The following RMND5A variants were observed in gnomAD, a reference collection of about 807,000 sequenced individuals.
The protein encoded by RMND5A is E3 ubiquitin-protein transferase RMND5A.
A neutral mutation model predicts 49.7 loss-of-function variants in RMND5A; 17 were observed. The observed-to-expected ratio is 0.34, with a 90% CI of 0.23 to 0.51. The LOEUF (loss-of-function observed/expected upper bound fraction) is 0.51. Ranked by LOEUF, RMND5A falls within the 20% of genes least tolerant of loss-of-function variation. The probability of loss-of-function intolerance (pLI) is 0.96; values close to 1 mark genes in which losing one functional copy is unlikely to be tolerated. For missense variants in RMND5A, 255 were observed against 471.3 expected (o/e 0.54, Z 4.25); for synonymous variants, 156 against 167.7 (o/e 0.93, Z 0.54).
In RMND5A at chr2:86,747,632, T is replaced by C. The variant is rs146191578; in HGVS notation, c.286-4264T>C. ...GTAGATGGAGAAGTTTCAAAATACATGTTAATACTATTAGGGAATTGGTAC... is the reference window on the plus strand; with the variant it reads ...GTAGATGGAGAAGTTTCAAAATACACGTTAATACTATTAGGGAATTGGTAC... On this transcript the variant is annotated intron_variant, in intron 2 of 8. Coordinates refer to ENST00000283632, the MANE Select transcript of RMND5A (RefSeq NM_022780.4). Among the ~76,000 whole-genome samples, 19 of 152,352 alleles carry C rather than the reference T, an allele frequency of 1.2e-4. No homozygotes were observed. The East Asian group carries it at 3.5e-3, about 28-fold the overall frequency.
At chr2:86,769,546 T>A (rs533728191) in intron 6 of RMND5A, among the ~76,000 whole-genome samples, 48 of 152,354 alleles carry the variant, frequency 3.2e-4, no homozygotes, top group Middle Eastern at 3.4e-3. Context: ...GTGTAGTAGT[T>A]CTTAATTCCT....
At chr2:86,769,058 C>T (rs191223141) in intron 6 of RMND5A, among the ~76,000 whole-genome samples, 2 of 152,298 alleles carry the variant, frequency 1.3e-5, no homozygotes, top group African/African-American at 4.8e-5. Context: ...CCACCTCAGC[C>T]TGCTCAGTAG....
At chr2:86,721,884 A>AT (rs1190823300) in intron 1 of RMND5A, among the ~76,000 whole-genome samples, 1 of 134,446 alleles carries the variant, frequency 7.4e-6, no homozygotes. Flanking sequence ...CTTCTCCTTC[A>AT]TTTTTTCACA....
intron 4 of RMND5A, among the ~76,000 whole-genome samples, chr2:86,753,897 A>G (rs1320778917): frequency 2.0e-5 from 3 of 152,206 alleles, no homozygotes; most frequent in Non-Finnish European, 2.9e-5. Flanking sequence ...AGCTTCCTTC[A>G]TGTGCTGGGT....
intron 2 of RMND5A, chr2:86,748,373 T>A (rs975155589): frequency 6.6e-6 from 1 of 152,212 alleles, no homozygotes; most frequent in Non-Finnish European, 1.5e-5. Flanking sequence ...TACTGGAAAA[T>A]CAGAATGGTA....
chr2:86,765,150 A>G lies in RMND5A; in HGVS notation c.645A>G (p.Gln215=), dbSNP rs1672569460. ...CCACAAATCAGCGAGAGGCATTACA[A>G]TATGCTAAAAATTTTCAGCCATTTG... ...GGTTNQREAL[Q]YAKNFQPFAL... Residue 215 remains glutamine, a synonymous_variant, in exon 5 of 9, where the codon CAA becomes CAG. Transcript: ENST00000283632. 4 of 1,613,790 alleles carry G rather than the reference A, an allele frequency of 2.5e-6. No homozygotes were observed. The highest frequency in any genetic ancestry group is 1.3e-5 in the African/African-American group (1 of 74,908).
Position 86,776,906 on chromosome 2 carries a change from T to G in RMND5A, c.*3495T>G, listed in dbSNP as rs1672780574. 2 of 152,186 alleles carry G rather than the reference T, an allele frequency of 1.3e-5. No individual in the cohort carries two copies. Among genetic ancestry groups the G allele is most frequent in the Non-Finnish European group, 2.9e-5 (2 of 68,038 alleles). 9.4% of individuals were successfully genotyped at this position (152,186 alleles called of 1,614,324 possible). ...TGAGGGAATGTTAGCAAGGAACACA[T>G]AGAAGATTTGGTGTTTCATAAGCCT... On this transcript the variant is annotated 3_prime_UTR_variant, in exon 9 of 9. Transcript: ENST00000283632.
intron 3 of RMND5A, among the ~76,000 whole-genome samples, chr2:86,753,018 C>A (rs1681662433): frequency 6.6e-6 from 1 of 152,074 alleles, no homozygotes; most frequent in South Asian, 2.1e-4. Flanking sequence ...TTTTTTCTTG[C>A]ACAGAAATCG....
At chr2:86,766,354 CT>C in intron 6 of RMND5A, among the ~76,000 whole-genome samples, 1 of 152,092 alleles carries the variant, frequency 6.6e-6, no homozygotes, top group Non-Finnish European at 1.5e-5. Context: ...AGCTGGATTC[CT>C]CACCACCACA....
chr2:86,751,151 G>A (rs534439563), intron 2 of RMND5A, among the ~76,000 whole-genome samples: 1 of 152,224 alleles, frequency 6.6e-6, no homozygotes, highest in African/African-American at 2.4e-5. Context: ...GAGAGTGTTG[G>A]TATTTTTGTT....
At chr2:86,720,863 C>T in intron 1 of RMND5A, 54 bp downstream of exon 1, 1 of 1,478,050 alleles carries the variant, frequency 6.8e-7, no homozygotes, top group South Asian at 1.3e-5. Context: ...GAGCCCCGGT[C>T]CCGGCCCCGC....
chr2:86,770,913 T>G (rs928740616), intron 7 of RMND5A, among the ~76,000 whole-genome samples: 1 of 152,256 alleles, frequency 6.6e-6, no homozygotes, highest in African/African-American at 2.4e-5. Context: ...CTGTCATGAT[T>G]GTGTCACAGA....
At chr2:86,765,794 A>G in intron 5 of RMND5A, 65 bp from the exon 6 acceptor site, 1 of 1,424,550 alleles carries the variant, frequency 7.0e-7, no homozygotes, top group Non-Finnish European at 9.7e-7. Flanking sequence ...GGGTGGGGGT[A>G]TTCTTGCTTT....
chr2:86,732,805 G>C (rs1250887997), intron 1 of RMND5A, among the ~76,000 whole-genome samples: 1 of 113,662 alleles, frequency 8.8e-6, no homozygotes, highest in East Asian at 2.6e-4. Context: ...GGGTTGGTGG[G>C]AGAGGTCATT....
At chr2:86,743,910 G>T (rs1260930766) in intron 2 of RMND5A, among the ~76,000 whole-genome samples, 1 of 151,372 alleles carries the variant, frequency 6.6e-6, no homozygotes, top group Non-Finnish European at 1.5e-5. Flanking sequence ...CCTGGGAGGC[G>T]GAGGTTGCAG....
rs1036289156 is a variant in RMND5A, at chr2:86,773,732, G to A, written c.*321G>A. The A allele has an allele frequency of 2.6e-5, 5 of 191,232 alleles. No homozygotes were observed. Among genetic ancestry groups the A allele is most frequent in the African/African-American group, 4.6e-5 (2 of 43,026 alleles). 11.8% of individuals were successfully genotyped at this position (191,232 alleles called of 1,614,324 possible). A position where few individuals can be genotyped will look rare whatever the true frequency, so the allele number is the denominator to read the frequency against. The stretch of plus-strand genomic sequence containing the variant: ...AGCAGAAACGGAAATTGACCTCCCC[G>A]CCATGTGTTTAATATTCCTCCTGCT... On this transcript the variant is annotated 3_prime_UTR_variant, in exon 9 of 9. Transcript: ENST00000283632.
chr2:86,769,014 T>A (rs1199944604), intron 6 of RMND5A, among the ~76,000 whole-genome samples: 1 of 152,188 alleles, frequency 6.6e-6, no homozygotes, highest in East Asian at 1.9e-4. Flanking sequence ...GGCACGATCG[T>A]GGCTCACTGC....
intron 5 of RMND5A, 93 bp downstream of exon 5, chr2:86,765,286 G>A (rs1672571416): frequency 1.8e-6 from 2 of 1,101,896 alleles, no homozygotes; most frequent in Admixed American, 5.2e-5. Flanking sequence ...ATACCTGTTT[G>A]CCAGTAAACA....
At chr2:86,759,097 A>G (rs1681797703) in intron 4 of RMND5A, among the ~76,000 whole-genome samples, 1 of 152,166 alleles carries the variant, frequency 6.6e-6, no homozygotes, top group Non-Finnish European at 1.5e-5. Context: ...TTTTTTCCCT[A>G]GTATTACTAG....
Sources: allele counts gnomAD v4.1 joint callset (sites outside exome capture counted in the v4.1 genomes callset), GRCh38; gene constraint gnomAD v4.1.1; transcripts MANE v1.5; gene names NCBI Gene and HGNC (gene_info 2026-07-23, HGNC 2026-07-21).